Variants in ERBB4 observed in about 807,000 individuals in gnomAD.
ERBB4 encodes receptor tyrosine-protein kinase erbB-4.
In ERBB4, 42 loss-of-function variants were observed where a neutral mutation model predicts 158.0. The ratio of observed to expected loss-of-function variants is 0.27; its 90% confidence interval spans 0.21 to 0.34. The LOEUF (loss-of-function observed/expected upper bound fraction) is 0.34, where lower values mean the gene tolerates loss of function less well. Ranked by LOEUF, ERBB4 falls within the 10% of genes least tolerant of loss-of-function variation. ERBB4 has a pLI of 1.00. For missense variants in ERBB4, 1,333 were observed against 1,624.1 expected (o/e 0.82, Z 3.08); for synonymous variants, 583 against 558.7 (o/e 1.04, Z -0.61).
intron 1 of ERBB4, among the ~76,000 whole-genome samples, chr2:212,233,894 G>A (rs1475924985): frequency 6.6e-6 from 1 of 151,500 alleles, no homozygotes; most frequent in South Asian, 2.1e-4. Context: ...GTGATTAAAA[G>A]TTATCCAGAG....
intron 25 of ERBB4, among the ~76,000 whole-genome samples, chr2:211,405,810 T>A (rs2063134501): frequency 6.6e-6 from 1 of 152,192 alleles, no homozygotes; most frequent in African/African-American, 2.4e-5. Flanking sequence ...TAGACACACA[T>A]TCCTATCTAA....
At chr2:212,328,945 T>C (rs1272104465) in intron 1 of ERBB4, among the ~76,000 whole-genome samples, 1 of 152,046 alleles carries the variant, frequency 6.6e-6, no homozygotes, top group Non-Finnish European at 1.5e-5. Context: ...TTTTCTGAAC[T>C]GAACATGATA....
At chr2:211,692,043 T>C (rs1245649643) in intron 12 of ERBB4, among the ~76,000 whole-genome samples, 1 of 152,172 alleles carries the variant, frequency 6.6e-6, no homozygotes, top group Admixed American at 6.5e-5. Context: ...ATTTGAATAG[T>C]TGGTGACAAG....
intron 1 of ERBB4, among the ~76,000 whole-genome samples, chr2:212,182,299 G>A (rs985049450): frequency 2.6e-5 from 4 of 151,800 alleles, no homozygotes; most frequent in African/African-American, 9.7e-5. Context: ...GGATGGTATT[G>A]AACCCAACTG....
At chr2:212,024,913 C>T (rs1254524891) in intron 2 of ERBB4, among the ~76,000 whole-genome samples, 1 of 151,802 alleles carries the variant, frequency 6.6e-6, no homozygotes, top group African/African-American at 2.4e-5. Context: ...TCCATGCTAT[C>T]CTTTCCTTGA....
chr2:211,398,458 G>C (rs2062966353), intron 25 of ERBB4, among the ~76,000 whole-genome samples: 1 of 152,084 alleles, frequency 6.6e-6, no homozygotes, highest in Non-Finnish European at 1.5e-5. Flanking sequence ...TTCTTGACTA[G>C]AGTACTGTAA....
intron 4 of ERBB4, among the ~76,000 whole-genome samples, chr2:211,756,368 C>T (rs913787582): frequency 1.3e-5 from 2 of 152,104 alleles, no homozygotes; most frequent in Non-Finnish European, 2.9e-5. Context: ...AGCAATAACA[C>T]AGAGGCATGG....
rs1435969807 is a variant in ERBB4, at chr2:211,377,249, G to A, written c.*6366C>T. 1 of 233,008 alleles carries A rather than the reference G, an allele frequency of 4.3e-6. No homozygotes were observed. 14.4% of individuals were successfully genotyped at this position (233,008 alleles called of 1,614,324 possible). On this transcript the variant is annotated 3_prime_UTR_variant, in exon 28 of 28. Transcript: ENST00000342788. The stretch of plus-strand genomic sequence containing the variant: ...ACCAGATTCGTGTCAATATACAGGA[G>A]GTATGATTTGCTTTCCTTCACAAAG...
chr2:211,686,042 A>G (rs1436766955), intron 12 of ERBB4, among the ~76,000 whole-genome samples: 1 of 152,112 alleles, frequency 6.6e-6, no homozygotes, highest in Non-Finnish European at 1.5e-5. Flanking sequence ...TTTTATGTAC[A>G]TAATCATGCC....
intron 2 of ERBB4, among the ~76,000 whole-genome samples, chr2:212,054,183 A>ACATATG (rs2077483511): frequency 6.6e-6 from 1 of 152,146 alleles, no homozygotes; most frequent in Admixed American, 6.5e-5. Context: ...GGAGTTTATT[A>ACATATG]TATGACCTAT....
intron 17 of ERBB4, among the ~76,000 whole-genome samples, chr2:211,625,920 T>C (rs968709159): frequency 1.3e-4 from 20 of 152,222 alleles, no homozygotes; most frequent in African/African-American, 4.8e-4. Context: ...CTACCTGAGC[T>C]TTTCAGTCTT....
chr2:211,562,472 A>T (rs2125723604), intron 19 of ERBB4, among the ~76,000 whole-genome samples: 1 of 152,278 alleles, frequency 6.6e-6, no homozygotes, highest in South Asian at 2.1e-4. Context: ...ATGTATACAA[A>T]TTTAGTTAGT....
At chr2:212,365,759 T>C (rs2089865859) in intron 1 of ERBB4, among the ~76,000 whole-genome samples, 2 of 151,890 alleles carry the variant, frequency 1.3e-5, no homozygotes, top group African/African-American at 2.4e-5. Flanking sequence ...CAAATCATGA[T>C]AATGTTTTTA....
At chr2:211,601,132 C>T (rs1023235768) in intron 19 of ERBB4, among the ~76,000 whole-genome samples, 11 of 152,008 alleles carry the variant, frequency 7.2e-5, no homozygotes, top group African/African-American at 2.7e-4. Flanking sequence ...AACCAAGTAT[C>T]ATGCATTTAA....
intron 16 of ERBB4, among the ~76,000 whole-genome samples, chr2:211,645,509 C>G (rs2070753365): frequency 6.6e-6 from 1 of 151,558 alleles, no homozygotes; most frequent in Non-Finnish European, 1.5e-5. Flanking sequence ...TCTAGGATTA[C>G]TTGAAACCAA....
intron 1 of ERBB4, among the ~76,000 whole-genome samples, chr2:212,142,191 A>G (rs1317894111): frequency 6.6e-6 from 1 of 152,152 alleles, no homozygotes; most frequent in Non-Finnish European, 1.5e-5. Context: ...ATCATTTCAA[A>G]ACATTATATT....
At chr2:211,835,584 G>A (rs2105982994) in intron 3 of ERBB4, among the ~76,000 whole-genome samples, 1 of 152,122 alleles carries the variant, frequency 6.6e-6, no homozygotes, top group African/African-American at 2.4e-5. Flanking sequence ...AGTAAATAGA[G>A]TCATGGTTAA....
At chr2:212,498,330 G>C (rs2106229371) in intron 1 of ERBB4, among the ~76,000 whole-genome samples, 2 of 152,198 alleles carry the variant, frequency 1.3e-5, no homozygotes, top group South Asian at 4.1e-4. Flanking sequence ...ATGTTGGAAA[G>C]TGACTTACCA....
chr2:212,399,316 A>G (rs563230250), intron 1 of ERBB4, among the ~76,000 whole-genome samples: 4 of 152,116 alleles, frequency 2.6e-5, no homozygotes, highest in African/African-American at 9.6e-5. Context: ...AAGAAATGAT[A>G]TGAGGCAAAT....
Sources: allele counts gnomAD v4.1 joint callset (sites outside exome capture counted in the v4.1 genomes callset), GRCh38; gene constraint gnomAD v4.1.1; transcripts MANE v1.5; gene names NCBI Gene and HGNC (gene_info 2026-07-23, HGNC 2026-07-21).